The following LY86 variants were observed in gnomAD, a reference collection of about 807,000 sequenced individuals.
LY86 encodes the protein lymphocyte antigen 86.
LY86 carries 20 observed loss-of-function variants against 17.3 expected under a neutral mutation model. The ratio of observed to expected loss-of-function variants is 1.15; its 90% CI spans 0.81 to 1.68. The LOEUF (loss-of-function observed/expected upper bound fraction) is 1.68, where lower values mean the gene tolerates loss of function less well. Ranked by LOEUF, LY86 falls within the 40% of genes most tolerant of loss-of-function variation. The pLI, the probability that LY86 is intolerant of heterozygous loss-of-function variation, is 0.00. For synonymous variants in LY86, 74 were observed against 70.6 expected (o/e 1.05, Z -0.24); for missense variants, 200 against 191.9 (o/e 1.04, Z -0.25).
At chr6:6,601,381 C>A (rs545890821) in intron 1 of LY86, among the ~76,000 whole-genome samples, 106 of 57,426 alleles carry the variant, frequency 1.8e-3, no homozygotes, top group African/African-American at 3.4e-3. Context: ...ATGGAAAGGG[C>A]AGATGATGAA....
At chr6:6,618,501 C>T (rs1333564951) in intron 1 of LY86, among the ~76,000 whole-genome samples, 1 of 151,958 alleles carries the variant, frequency 6.6e-6, no homozygotes, top group Non-Finnish European at 1.5e-5. Context: ...CCCAAACATA[C>T]CTTCTCACTC....
At chr6:6,603,476 GGATAA>G (rs2113094521) in intron 1 of LY86, among the ~76,000 whole-genome samples, 1 of 151,524 alleles carries the variant, frequency 6.6e-6, no homozygotes, top group South Asian at 2.1e-4. Flanking sequence ...TGAAAATAAT[GGATAA>G]AATATGACAG....
At position 6,624,094 on chromosome 6, in the gene LY86, A is replaced by G. The variant is rs1339106667; in HGVS notation, c.137-832A>G. Among the ~76,000 whole-genome samples the G allele has an allele frequency of 4.6e-5, 7 of 152,284 alleles. No individual in the cohort carries two copies. In the South Asian group the frequency reaches 1.5e-3, roughly 32 times the overall value. ...GCCAAAAAGACTAAGACCATTGCAA[A>G]TGGGAGAAAGCACACAAGCAAATCA... On this transcript the variant is annotated intron_variant, in intron 1 of 4. Transcript: ENST00000230568.
intron 4 of LY86, among the ~76,000 whole-genome samples, 189 bp from the exon 5 acceptor site, chr6:6,654,355 C>T (rs532043549): frequency 6.6e-6 from 1 of 152,364 alleles, no homozygotes; most frequent in East Asian, 1.9e-4. Context: ...AGTCACATAT[C>T]ATAAGGGTGG....
intron 1 of LY86, among the ~76,000 whole-genome samples, chr6:6,617,437 G>C (rs1179708149): frequency 2.0e-5 from 3 of 152,208 alleles, no homozygotes; most frequent in Admixed American, 6.5e-5. Flanking sequence ...ATAAAATGTT[G>C]ATGATAATGA....
intron 4 of LY86, among the ~76,000 whole-genome samples, chr6:6,654,086 C>T (rs954981128): frequency 6.6e-6 from 1 of 151,992 alleles, no homozygotes; most frequent in Non-Finnish European, 1.5e-5. Context: ...TTACCTCACC[C>T]CCCCCATCCC....
At chr6:6,604,491 G>A (rs1761032342) in intron 1 of LY86, among the ~76,000 whole-genome samples, 1 of 151,928 alleles carries the variant, frequency 6.6e-6, no homozygotes, top group Non-Finnish European at 1.5e-5. Flanking sequence ...ATAGCTGAAG[G>A]GAGAACTGAT....
At chr6:6,641,674 G>A (rs1236256938) in intron 3 of LY86, among the ~76,000 whole-genome samples, 4 of 152,170 alleles carry the variant, frequency 2.6e-5, no homozygotes, top group East Asian at 1.9e-4. Context: ...AGGTGCAAAC[G>A]TACCAGCAGC....
At chr6:6,610,346 A>AG (rs1246013368) in intron 1 of LY86, among the ~76,000 whole-genome samples, 1 of 152,184 alleles carries the variant, frequency 6.6e-6, no homozygotes, top group African/African-American at 2.4e-5. Context: ...ATTTTAAAAA[A>AG]ATGGCCTGAA....
At chr6:6,612,132 A>G (rs1182997475) in intron 1 of LY86, among the ~76,000 whole-genome samples, 2 of 151,962 alleles carry the variant, frequency 1.3e-5, no homozygotes, top group African/African-American at 4.8e-5. Flanking sequence ...CAGCTCAACA[A>G]CTCCTAAGAT....
At chr6:6,654,067 G>A (rs1762224958) in intron 4 of LY86, among the ~76,000 whole-genome samples, 1 of 150,136 alleles carries the variant, frequency 6.7e-6, no homozygotes, top group African/African-American at 2.5e-5. Flanking sequence ...CTGGCCTCCT[G>A]TGTTGCCCTT....
At chr6:6,648,373 C>A (rs369529078) in intron 3 of LY86, among the ~76,000 whole-genome samples, 17 of 152,170 alleles carry the variant, frequency 1.1e-4, no homozygotes, top group Admixed American at 9.8e-4. Flanking sequence ...ATATCTGTCA[C>A]CCCTCAATCT....
chr6:6,649,705 A>T (rs1762159155), intron 4 of LY86, 28 bp downstream of exon 4: 1 of 1,344,740 alleles, frequency 7.4e-7, no homozygotes, highest in Non-Finnish European at 1.1e-6. Context: ...TCTTGTATTA[A>T]ATAGTTTGTT....
chr6:6,598,024 T>C (rs11243105), intron 1 of LY86, among the ~76,000 whole-genome samples: 116,102 of 152,216 alleles, frequency 0.76, 46,788 homozygotes, highest in Non-Finnish European at 0.89. Context: ...CTGAGATCTT[T>C]CTTATTCAAA....
At chr6:6,612,526 A>G (rs1321442094) in intron 1 of LY86, among the ~76,000 whole-genome samples, 1 of 152,212 alleles carries the variant, frequency 6.6e-6, no homozygotes, top group Admixed American at 6.5e-5. Flanking sequence ...CAAAAGAACA[A>G]ACCAACCACA....
rs568466783 is a variant in LY86, at chr6:6,611,854, G to T, written c.137-13072G>T. Among the ~76,000 whole-genome samples, 3 of 152,190 alleles carry T rather than the reference G, an allele frequency of 2.0e-5. No individual in the cohort carries two copies. In the South Asian group the frequency reaches 6.2e-4, roughly 31 times the overall value. On this transcript the variant is annotated intron_variant, in intron 1 of 4. Transcript: ENST00000230568. Reference sequence around the variant, plus strand: ...GGCTTTTGTCTCTCCTGTCAATCTAGCATCTCTCCTTCCATTTTTTCTGCA... The same window carrying T: ...GGCTTTTGTCTCTCCTGTCAATCTATCATCTCTCCTTCCATTTTTTCTGCA...
intron 3 of LY86, among the ~76,000 whole-genome samples, chr6:6,630,815 T>G (rs1252441546): frequency 6.6e-6 from 1 of 152,220 alleles, no homozygotes; most frequent in Non-Finnish European, 1.5e-5. Flanking sequence ...ATGTAGCCAG[T>G]CTGAATAGAG....
At chr6:6,633,591 C>G (rs989066348) in intron 3 of LY86, among the ~76,000 whole-genome samples, 18 of 152,118 alleles carry the variant, frequency 1.2e-4, no homozygotes, top group Non-Finnish European at 4.4e-5. Flanking sequence ...CTCCCATCCC[C>G]CACCCTCCAA....
intron 1 of LY86, among the ~76,000 whole-genome samples, chr6:6,618,043 G>T (rs1166320938): frequency 6.6e-6 from 1 of 152,176 alleles, no homozygotes; most frequent in East Asian, 1.9e-4. Context: ...GTTTCACCAT[G>T]TTGGCCAGGC....
Sources: gnomAD v4.1 joint callset for allele counts (sites outside exome capture counted in the v4.1 genomes callset) on GRCh38, gnomAD v4.1.1 for gene constraint, MANE v1.5 for transcripts, NCBI Gene and HGNC (gene_info 2026-07-23, HGNC 2026-07-21) for gene names.